Variants in HS6ST3 observed in about 807,000 individuals in gnomAD.
HS6ST3 encodes the protein heparan-sulfate 6-O-sulfotransferase 3.
A neutral mutation model predicts 36.7 loss-of-function variants in HS6ST3; 12 were observed. That is an observed-to-expected ratio of 0.33 (90% CI 0.21 to 0.53). HS6ST3 has a LOEUF of 0.53. Among genes scored for constraint, HS6ST3 ranks in the 20% least tolerant of loss-of-function variants. HS6ST3 has a pLI of 0.95. For missense variants in HS6ST3, 584 were observed against 640.9 expected, an observed-to-expected ratio of 0.91 and a Z score of 0.96; for synonymous variants, 240 against 257.5, an observed-to-expected ratio of 0.93 and a Z score of 0.65.
At chr13:96,146,840 A>G (rs1019187032) in intron 1 of HS6ST3, among the ~76,000 whole-genome samples, 1 of 152,226 alleles carries the variant, frequency 6.6e-6, no homozygotes, top group Non-Finnish European at 1.5e-5. Flanking sequence ...AGTACATTTA[A>G]TAAGGAAACA....
chr13:96,736,026 A>C (rs1876276690), intron 1 of HS6ST3, among the ~76,000 whole-genome samples: 1 of 152,172 alleles, frequency 6.6e-6, no homozygotes, highest in Non-Finnish European at 1.5e-5. Context: ...ATGAGAACAC[A>C]TCAACACACA....
chr13:96,655,811 A>C (rs1392367021), intron 1 of HS6ST3, among the ~76,000 whole-genome samples: 1 of 152,120 alleles, frequency 6.6e-6, no homozygotes, highest in Non-Finnish European at 1.5e-5. Flanking sequence ...ACACTACTGC[A>C]GAGAGAAGAG....
At chr13:96,333,343 C>T (rs545468785) in intron 1 of HS6ST3, among the ~76,000 whole-genome samples, 4 of 151,858 alleles carry the variant, frequency 2.6e-5, no homozygotes, top group Admixed American at 1.3e-4. Context: ...GCAATTTCCA[C>T]CAAATGCTTG....
intron 1 of HS6ST3, among the ~76,000 whole-genome samples, chr13:96,668,293 G>A (rs912058876): frequency 6.6e-6 from 1 of 152,048 alleles, no homozygotes; most frequent in Non-Finnish European, 1.5e-5. Context: ...GCTTTTAATG[G>A]ATTATCTTAT....
At position 96,330,678 on chromosome 13, in the gene HS6ST3, G is replaced by A. The variant is rs1235995919; in HGVS notation, c.707+239109G>A. On this transcript the variant is annotated intron_variant, in intron 1 of 1. Transcript: ENST00000376705. ...TATGTGTCTTGGAGTTGCTCTTCTCGAGGAGTATCTTTGTGGCGTTCTCTG... is the reference window on the plus strand; with the variant it reads ...TATGTGTCTTGGAGTTGCTCTTCTCAAGGAGTATCTTTGTGGCGTTCTCTG... Among the ~76,000 whole-genome samples, 12 of 147,514 alleles carry A rather than the reference G, an allele frequency of 8.1e-5. No individual in the cohort carries two copies. In the South Asian group the frequency reaches 8.7e-4, roughly 11 times the overall value.
chr13:96,797,591 TC>T (rs1877945671), intron 1 of HS6ST3, among the ~76,000 whole-genome samples: 1 of 152,080 alleles, frequency 6.6e-6, no homozygotes, highest in African/African-American at 2.4e-5. Context: ...TGACTGGAAA[TC>T]TATTTGAGAA....
chr13:96,705,706 C>T (rs556031939), intron 1 of HS6ST3, among the ~76,000 whole-genome samples: 4 of 152,284 alleles, frequency 2.6e-5, no homozygotes, highest in African/African-American at 7.2e-5. Context: ...AGTCCTTGTT[C>T]GTGGCATGGG....
chr13:96,624,897 C>G (rs1042414028), intron 1 of HS6ST3, among the ~76,000 whole-genome samples: 1 of 152,086 alleles, frequency 6.6e-6, no homozygotes, highest in African/African-American at 2.4e-5. Flanking sequence ...AGTGGGTCTG[C>G]AGAGATTTTT....
chr13:96,346,740 A>G (rs1053659700), intron 1 of HS6ST3, among the ~76,000 whole-genome samples: 5 of 152,154 alleles, frequency 3.3e-5, no homozygotes, highest in Admixed American at 6.5e-5. Context: ...TGTAAGGCAG[A>G]CTGTCTCACA....
chr13:96,599,330 CT>C (rs1168966343), intron 1 of HS6ST3, among the ~76,000 whole-genome samples: 1 of 151,948 alleles, frequency 6.6e-6, no homozygotes, highest in Non-Finnish European at 1.5e-5. Context: ...TGTTATCAGT[CT>C]GTTCAAAATT....
chr13:96,355,028 T>A (rs1483910001), intron 1 of HS6ST3, among the ~76,000 whole-genome samples: 1 of 152,164 alleles, frequency 6.6e-6, no homozygotes, highest in Non-Finnish European at 1.5e-5. Flanking sequence ...CATTAGAATG[T>A]GTCCACCTCC....
At chr13:96,376,749 C>T (rs926926350) in intron 1 of HS6ST3, among the ~76,000 whole-genome samples, 16 of 152,006 alleles carry the variant, frequency 1.1e-4, no homozygotes, top group African/African-American at 3.9e-4. Context: ...CTTGTAAATT[C>T]CTATAGTAAA....
At chr13:96,446,539 C>A (rs899213506) in intron 1 of HS6ST3, among the ~76,000 whole-genome samples, 6 of 152,144 alleles carry the variant, frequency 3.9e-5, no homozygotes, top group Non-Finnish European at 5.9e-5. Context: ...GGTGTGACCT[C>A]CCTCTTCACA....
intron 1 of HS6ST3, among the ~76,000 whole-genome samples, chr13:96,358,741 G>C (rs1021528820): frequency 7.2e-5 from 11 of 152,072 alleles, no homozygotes; most frequent in African/African-American, 2.7e-4. Flanking sequence ...GAATTTCTTA[G>C]TTGTGATTAT....
At chr13:96,671,711 C>T (rs930042363) in intron 1 of HS6ST3, among the ~76,000 whole-genome samples, 2 of 151,908 alleles carry the variant, frequency 1.3e-5, no homozygotes, top group Non-Finnish European at 2.9e-5. Flanking sequence ...AAATTTCCCC[C>T]TTTTATAAGG....
intron 1 of HS6ST3, among the ~76,000 whole-genome samples, chr13:96,563,908 G>A (rs1566397969): frequency 6.6e-6 from 1 of 152,180 alleles, no homozygotes; most frequent in East Asian, 1.9e-4. Flanking sequence ...CGGCCAGCCT[G>A]TGTGCAGATA....
intron 1 of HS6ST3, among the ~76,000 whole-genome samples, chr13:96,476,508 G>A (rs1406355043): frequency 6.6e-6 from 1 of 152,044 alleles, no homozygotes; most frequent in Non-Finnish European, 1.5e-5. Context: ...GACTATAGGC[G>A]CCCACCACCA....
chr13:96,593,485 C>T (rs986898780), intron 1 of HS6ST3, among the ~76,000 whole-genome samples: 3 of 151,458 alleles, frequency 2.0e-5, no homozygotes, highest in Non-Finnish European at 4.4e-5. Context: ...CGTGAGCTAC[C>T]GTGCCCAGCC....
At chr13:96,282,595 A>C (rs1379539889) in intron 1 of HS6ST3, among the ~76,000 whole-genome samples, 2 of 152,314 alleles carry the variant, frequency 1.3e-5, no homozygotes, top group Admixed American at 6.5e-5. Context: ...ACAATATCTC[A>C]TTAAAATATT....
Sources: allele counts gnomAD v4.1 joint callset (sites outside exome capture counted in the v4.1 genomes callset), GRCh38; gene constraint gnomAD v4.1.1; transcripts MANE v1.5; gene names NCBI Gene and HGNC (gene_info 2026-07-23, HGNC 2026-07-21).